KCNQ2: variants seen among roughly 807,000 people sequenced by gnomAD.
KCNQ2 encodes potassium voltage-gated channel subfamily KQT member 2.
In KCNQ2, 14 loss-of-function variants were observed where a neutral mutation model predicts 84.8. That is an observed-to-expected ratio of 0.17 (90% confidence interval 0.11 to 0.26). KCNQ2 has a LOEUF of 0.26. Among genes scored for constraint, KCNQ2 ranks in the 10% least tolerant of loss-of-function variants. KCNQ2 has a pLI of 1.00. For missense variants in KCNQ2, 788 were observed against 1,254.0 expected (o/e 0.63, Z 5.61); for synonymous variants, 599 against 554.1 (o/e 1.08, Z -1.14).
At chr20:63,439,041 G>A (rs539763489) in intron 6 of KCNQ2, among the ~76,000 whole-genome samples, 4 of 152,280 alleles carry the variant, frequency 2.6e-5, no homozygotes, top group African/African-American at 4.8e-5. Context: ...AGGAGACATG[G>A]CAGGACCCAC....
rs932276799 is a variant in KCNQ2, at chr20:63,407,366, T to C, written c.1897A>G (p.Met633Val). 6.3e-7 allele frequency: 1 copy of C among 1,597,660 alleles called. No homozygotes were observed. The highest frequency in any genetic ancestry group is 8.5e-7 in the Non-Finnish European group (1 of 1,179,568). The stretch of plus-strand genomic sequence containing the variant: ...ACCAGGAAGTCCAGCTTCTTCTCCA[T>C]GGACAAGACCTGCAAAAGGGGCTGC... Reference protein sequence around the residue: ...LGKVEKQVLSMEKKLDFLVNI... With the variant: ...LGKVEKQVLSVEKKLDFLVNI... Residue 633 changes from methionine (M) to valine (V), a missense_variant, in exon 17 of 17, where the codon ATG becomes GTG. By Grantham distance (21) the Met-to-Val change is conservative. Transcript: ENST00000359125. The surrounding 1 kb of genome is among the most constrained non-coding windows in gnomAD (Gnocchi z 7.2).
rs943080026 is a variant in KCNQ2 at position 63,400,450 on chromosome 20, A to G, written c.*6194T>C. 2.5e-6 allele frequency: 1 copy of G among 397,210 alleles called. No individual in the cohort carries two copies. Among genetic ancestry groups the G allele is most frequent in the Non-Finnish European group, 4.4e-6 (1 of 225,780 alleles). 24.6% of individuals were successfully genotyped at this position (397,210 alleles called of 1,614,324 possible). On this transcript the variant is annotated 3_prime_UTR_variant, in exon 17 of 17. Coordinates refer to ENST00000359125, the MANE Select transcript of KCNQ2 (RefSeq NM_172107.4). The surrounding 1 kb of genome is among the most constrained non-coding windows in gnomAD (Gnocchi z 8.7). ...ACTAGAGTTCATTCCCTGGGCGTCT[A>G]TCCCTAGAAAATGGACGGTGCACAA...
chr20:63,431,205 G>T, intron 9 of KCNQ2, 135 bp downstream of exon 9: 2 of 1,030,630 alleles, frequency 1.9e-6, no homozygotes, highest in South Asian at 1.3e-5. Flanking sequence ...GCATAGGGAT[G>T]CTCGGTGGGC....
At chr20:63,455,314 T>C (rs1484579541) in intron 1 of KCNQ2, among the ~76,000 whole-genome samples, 2 of 152,170 alleles carry the variant, frequency 1.3e-5, no homozygotes, top group Non-Finnish European at 2.9e-5. Context: ...AGCCCCAGAT[T>C]CAGGCAAAGA....
Position 63,446,109 on chromosome 20 carries a change from G to A in KCNQ2, c.387+638C>T, listed in dbSNP as rs1350956878. 3.3e-6 allele frequency: 1 copy of A among 298,768 alleles called. No individual in the cohort carries two copies. Among genetic ancestry groups the A allele is most frequent in the Non-Finnish European group, 6.4e-6 (1 of 155,840 alleles). 18.5% of individuals were successfully genotyped at this position (298,768 alleles called of 1,614,324 possible). ...GAGCTGGGGGACCCTGTCTGAGCCA[G>A]TGGGGGACCTGCCTTGAGTTGGGGG... On this transcript the variant is annotated intron_variant, in intron 2 of 16. Transcript: ENST00000359125. The surrounding 1 kb of genome is among the most constrained non-coding windows in gnomAD (Gnocchi z 5.5).
chr20:63,442,839 CCACCATCACCAT>C (rs1568934736), intron 4 of KCNQ2, among the ~76,000 whole-genome samples: 7 of 55,196 alleles, frequency 1.3e-4, no homozygotes, highest in African/African-American at 3.8e-4. Context: ...ATCACCACCA[CCACCATCACCAT>C]CACCACCACC....
chr20:63,459,896 A>AGAGTTAAC (rs1409919176), intron 1 of KCNQ2: 1 of 152,148 alleles, frequency 6.6e-6, no homozygotes, highest in Non-Finnish European at 1.5e-5. Context: ...TTGGGTGGGG[A>AGAGTTAAC]GAGTTAACAC....
At chr20:63,443,427 TCACCATCACCATCACCAC>T (rs2081314345) in intron 4 of KCNQ2, among the ~76,000 whole-genome samples, 2 of 11,054 alleles carry the variant, frequency 1.8e-4, no homozygotes, top group African/African-American at 8.0e-4. Flanking sequence ...ACCACCATCA[TCACCATCACCATCACCAC>T]CACCATCACC....
intron 5 of KCNQ2, among the ~76,000 whole-genome samples, chr20:63,440,132 G>A (rs1378927258): frequency 6.6e-6 from 1 of 152,220 alleles, no homozygotes; most frequent in Admixed American, 6.5e-5. Flanking sequence ...GAGGCCAGAG[G>A]AGAGGGGTGG....
chr20:63,446,723 C>A lies in KCNQ2; in HGVS notation c.387+24G>T, dbSNP rs113724995. On this transcript the variant is annotated intron_variant, in intron 2 of 16. Coordinates refer to ENST00000359125, the MANE Select transcript of KCNQ2 (RefSeq NM_172107.4). The surrounding 1 kb of genome is among the most constrained non-coding windows in gnomAD (Gnocchi z 5.5). ...CCAGCTCCTTCCTGGGCACTTCCAGCCCCCGCCCTCCCTCGGGGCTCACCA... is the reference window on the plus strand; with the variant it reads ...CCAGCTCCTTCCTGGGCACTTCCAGACCCCGCCCTCCCTCGGGGCTCACCA... 1,112 of 1,598,212 alleles carry A rather than the reference C, an allele frequency of 7.0e-4. 10 individuals are homozygous for A. The African/African-American group carries it at 0.013, about 18-fold the overall frequency.
chr20:63,447,203 A>C (rs547004918), intron 1 of KCNQ2, among the ~76,000 whole-genome samples: 8 of 152,230 alleles, frequency 5.3e-5, no homozygotes, highest in African/African-American at 1.9e-4. Context: ...GGGAACAGCA[A>C]GGCCTGCCCA....
chr20:63,439,766 C>T, intron 5 of KCNQ2, 58 bp from the exon 6 acceptor site: 1 of 1,346,612 alleles, frequency 7.4e-7, no homozygotes, highest in Admixed American at 1.7e-5. Context: ...TGAGGGCAGG[C>T]TGGACGCCCG....
At chr20:63,409,880 A>T (rs1450072204) in intron 15 of KCNQ2, 1 of 48,792 alleles carries the variant, frequency 2.0e-5, no homozygotes, top group Admixed American at 2.3e-4. Flanking sequence ...CCTGCCTCTG[A>T]TGGGGGCGGG....
chr20:63,419,956 T>C (rs749015675), intron 11 of KCNQ2, among the ~76,000 whole-genome samples: 3 of 152,236 alleles, frequency 2.0e-5, no homozygotes, highest in Non-Finnish European at 2.9e-5. Context: ...AAAAGATGTA[T>C]TATTTTTTGC....
intron 2 of KCNQ2, chr20:63,445,666 G>GGGATCTAT: frequency 2.2e-6 from 1 of 459,400 alleles, no homozygotes; most frequent in South Asian, 2.3e-5. Context: ...AGCTGGCAGG[G>GGGATCTAT]CTGCCCTGTC....
intron 1 of KCNQ2, among the ~76,000 whole-genome samples, chr20:63,465,018 C>T (rs754458418): frequency 1.1e-4 from 16 of 152,380 alleles, no homozygotes; most frequent in Middle Eastern, 6.8e-3. Context: ...AGTGCCTTCT[C>T]CTCCTGGAAA....
At position 63,408,163 on chromosome 20, in the gene KCNQ2, A is replaced by G; in HGVS notation, c.1887+250T>C. 1 of 527,348 alleles carries G rather than the reference A, an allele frequency of 1.9e-6. No individual in the cohort carries two copies. Among genetic ancestry groups the G allele is most frequent in the Non-Finnish European group, 3.4e-6 (1 of 290,494 alleles). 32.7% of individuals were successfully genotyped at this position (527,348 alleles called of 1,614,324 possible). A position where few individuals can be genotyped will look rare whatever the true frequency, so the allele number is the denominator to read the frequency against. On this transcript the variant is annotated intron_variant, in intron 16 of 16. Transcript: ENST00000359125. The surrounding 1 kb of genome is among the most constrained non-coding windows in gnomAD (Gnocchi z 5.0). ...AGGGATCCACCTCTCAGCAGCCCCCACCCAGGACTCCTGGGGACTTTGGCC... is the reference window on the plus strand; with the variant it reads ...AGGGATCCACCTCTCAGCAGCCCCCGCCCAGGACTCCTGGGGACTTTGGCC...
At chr20:63,451,837 A>G (rs919389492) in intron 1 of KCNQ2, among the ~76,000 whole-genome samples, 1 of 152,186 alleles carries the variant, frequency 6.6e-6, no homozygotes, top group East Asian at 1.9e-4. Flanking sequence ...GGGCAGGCGC[A>G]GTCCCCATAG....
chr20:63,431,458 G>A (rs918423858), intron 8 of KCNQ2, 89 bp from the exon 9 acceptor site: 21 of 1,408,530 alleles, frequency 1.5e-5, no homozygotes, highest in African/African-American at 1.4e-4. Context: ...ACAAATAGTT[G>A]AGGAAAGTAG....
Sources: allele counts gnomAD v4.1 joint callset (sites outside exome capture counted in the v4.1 genomes callset), GRCh38; gene constraint gnomAD v4.1.1; non-coding constraint Gnocchi (gnomAD v3.1); transcripts MANE v1.5; gene names NCBI Gene and HGNC (gene_info 2026-07-23, HGNC 2026-07-21).